The following RPTOR variants were observed in gnomAD, a reference collection of about 807,000 sequenced individuals.
RPTOR encodes regulatory associated protein of MTOR complex 1.
Under a neutral mutation model 169.9 loss-of-function variants are expected in RPTOR, and 21 were observed. The ratio of observed to expected loss-of-function variants is 0.12; its 90% confidence interval spans 0.09 to 0.18. The LOEUF (loss-of-function observed/expected upper bound fraction) is 0.18. RPTOR is among the 10% of genes least tolerant of loss of function. The pLI is 1.00. For missense variants in RPTOR, 1,133 were observed against 1,855.9 expected, an observed-to-expected ratio of 0.61 and a Z score of 7.16; for synonymous variants, 732 against 753.2, an observed-to-expected ratio of 0.97 and a Z score of 0.46.
chr17:80,625,615 A>C, intron 1 of RPTOR, 76 bp from the exon 2 acceptor site: 1 of 1,177,160 alleles, frequency 8.5e-7, no homozygotes, highest in Non-Finnish European at 1.3e-6. Context: ...TCTGGGGGAC[A>C]TTTTAAAAGC....
intron 5 of RPTOR, among the ~76,000 whole-genome samples, chr17:80,751,255 TGC>T (rs2066627540): frequency 6.6e-6 from 1 of 152,042 alleles, no homozygotes; most frequent in Non-Finnish European, 1.5e-5. Flanking sequence ...GCGTCGTAGG[TGC>T]TTGGTGGAGA....
chr17:80,761,773 G>A (rs1371855750), intron 6 of RPTOR, among the ~76,000 whole-genome samples: 1 of 152,194 alleles, frequency 6.6e-6, no homozygotes, highest in African/African-American at 2.4e-5. Context: ...CGGGTCTTTT[G>A]CCGCTTCCTT....
intron 7 of RPTOR, among the ~76,000 whole-genome samples, chr17:80,810,881 T>C (rs1297615120): frequency 1.3e-5 from 2 of 152,266 alleles, no homozygotes; most frequent in African/African-American, 2.4e-5. Flanking sequence ...TTAAAAATTA[T>C]TTAAGACAGC....
Position 80,964,696 on chromosome 17 carries a change from C to T in RPTOR, c.*366C>T. The T allele has an allele frequency of 3.2e-6, 1 of 311,750 alleles. No individual in the cohort carries two copies. The highest frequency in any genetic ancestry group is 6.1e-6 in the Non-Finnish European group (1 of 164,460). 19.3% of individuals were successfully genotyped at this position (311,750 alleles called of 1,614,324 possible). A position where few individuals can be genotyped will look rare whatever the true frequency, so the allele number is the denominator to read the frequency against. ...CAGAGCATTAGCTGCAGAAAAACCCCCCGACAGAGCCCTGGCGGAGAGGCA... is the reference window on the plus strand; with the variant it reads ...CAGAGCATTAGCTGCAGAAAAACCCTCCGACAGAGCCCTGGCGGAGAGGCA... On this transcript the variant is annotated 3_prime_UTR_variant, in exon 34 of 34. Coordinates refer to ENST00000306801, the MANE Select transcript of RPTOR (RefSeq NM_020761.3).
At chr17:80,742,050 C>T (rs772279267) in intron 5 of RPTOR, among the ~76,000 whole-genome samples, 2 of 152,250 alleles carry the variant, frequency 1.3e-5, no homozygotes, top group South Asian at 2.1e-4. Flanking sequence ...TTTGTGCACA[C>T]GGGGCCATTG....
chr17:80,892,033 C>T (rs1230005853), intron 18 of RPTOR, among the ~76,000 whole-genome samples, 196 bp downstream of exon 18: 1 of 152,174 alleles, frequency 6.6e-6, no homozygotes, highest in Non-Finnish European at 1.5e-5. Context: ...CACACTGACC[C>T]TCTTACATTT....
At chr17:80,587,509 C>G (rs886162383) in intron 1 of RPTOR, among the ~76,000 whole-genome samples, 1 of 152,098 alleles carries the variant, frequency 6.6e-6, no homozygotes, top group Non-Finnish European at 1.5e-5. Flanking sequence ...AGGTAGTTGC[C>G]TAGGAGTGGA....
intron 1 of RPTOR, among the ~76,000 whole-genome samples, chr17:80,619,677 T>C (rs2065340603): frequency 6.6e-6 from 1 of 152,148 alleles, no homozygotes; most frequent in South Asian, 2.1e-4. Flanking sequence ...TGGACACTCT[T>C]GATTGATTCC....
At chr17:80,773,781 C>T in intron 6 of RPTOR, 2 of 985,182 alleles carry the variant, frequency 2.0e-6, no homozygotes, top group African/African-American at 3.5e-5. Context: ...GACGTGTAGT[C>T]ACTGTGGCGC....
intron 5 of RPTOR, among the ~76,000 whole-genome samples, chr17:80,732,901 A>G (rs1349006013): frequency 3.3e-5 from 5 of 152,212 alleles, no homozygotes; most frequent in Admixed American, 2.6e-4. Flanking sequence ...ATGTTTTAAT[A>G]CTTTTTATTG....
At chr17:80,792,198 T>A (rs191657336) in intron 7 of RPTOR, among the ~76,000 whole-genome samples, 280 of 152,304 alleles carry the variant, frequency 1.8e-3, no homozygotes, top group African/African-American at 6.4e-3. Flanking sequence ...GGAAGAACTT[T>A]GGAGTTATTT....
At chr17:80,741,955 AAAGCCTTCTAG>A (rs1457905204) in intron 5 of RPTOR, among the ~76,000 whole-genome samples, 1 of 152,176 alleles carries the variant, frequency 6.6e-6, no homozygotes, top group African/African-American at 2.4e-5. Context: ...AAGCCTCAGG[AAAGCCTTCTAG>A]AAGTAGGGAC....
intron 1 of RPTOR, among the ~76,000 whole-genome samples, chr17:80,574,983 C>T (rs543313307): frequency 7.2e-6 from 1 of 139,710 alleles, no homozygotes; most frequent in East Asian, 2.2e-4. Flanking sequence ...TATTTTATAT[C>T]TTATTATTTC....
rs191364309 is a variant in RPTOR, at chr17:80,671,705, A to G, written c.348+27895A>G. Among the ~76,000 whole-genome samples, 122 of 152,320 alleles carry G rather than the reference A, an allele frequency of 8.0e-4. 2 individuals carry two copies. The highest frequency in any genetic ancestry group is 3.4e-3 in the Middle Eastern group (1 of 294). On this transcript the variant is annotated intron_variant, in intron 3 of 33. Coordinates refer to ENST00000306801, the MANE Select transcript of RPTOR (RefSeq NM_020761.3). ...GTGAGCACACTTCTCCAGGCATGCC[A>G]TCTGCAGCCTTCCTTTTCTTTCTAG...
intron 6 of RPTOR, among the ~76,000 whole-genome samples, chr17:80,788,186 A>G (rs1468655401): frequency 6.6e-6 from 1 of 152,198 alleles, no homozygotes; most frequent in Non-Finnish European, 1.5e-5. Context: ...TAAATTAAAA[A>G]CACCAGCTGG....
rs374917875 is a variant in RPTOR, at chr17:80,618,006, G to A, written c.163-7685G>A. ...TTACAACTTTTTTTTTTTAAGACGG[G>A]GTCTTGCTCTGTCACCCAGGGTGGA... is the stretch of plus-strand genomic sequence containing the variant. On this transcript the variant is annotated intron_variant, in intron 1 of 33. Coordinates refer to ENST00000306801, the MANE Select transcript of RPTOR (RefSeq NM_020761.3). Among the ~76,000 whole-genome samples, 1,449 of 146,778 alleles carry A rather than the reference G, an allele frequency of 9.9e-3. 99 individuals carry two copies. Among genetic ancestry groups the A allele is most frequent in the African/African-American group, 0.038 (1,373 of 36,504 alleles).
rs776346134 is a variant in RPTOR, at chr17:80,892,810, C to T, written c.2183C>T (p.Ala728Val). Residue 728 changes from alanine (A) to valine (V), a missense_variant, in exon 19 of 34, where the codon GCT (alanine) becomes GTT (valine). By Grantham distance (64) the Ala-to-Val change is moderately conservative. Coordinates refer to ENST00000306801, the MANE Select transcript of RPTOR (RefSeq NM_020761.3). ...RSVSSYGNIR[A>V]VATARSLNKS... ...GTGAGCTCCTATGGAAACATCCGTG[C>T]TGTCGCCACAGCCAGGAGCCTCAAC... 1 of 1,614,272 alleles carries T rather than the reference C, an allele frequency of 6.2e-7. No homozygotes were observed. Among genetic ancestry groups the T allele is most frequent in the Non-Finnish European group, 8.5e-7 (1 of 1,180,044 alleles).
At chr17:80,864,054 A>G (rs2067952100) in intron 13 of RPTOR, among the ~76,000 whole-genome samples, 1 of 152,270 alleles carries the variant, frequency 6.6e-6, no homozygotes, top group Non-Finnish European at 1.5e-5. Flanking sequence ...TTGGGGGTCC[A>G]TAAAGGAGGC....
rs1005924365 is a variant in RPTOR, at chr17:80,939,916, A to C, written c.2920-580A>C. ...TCCCCATCATACACCTGTCAGCCTCACAGGCCACTCACTCAAGGGTCTCAG... is the reference window on the plus strand; with the variant it reads ...TCCCCATCATACACCTGTCAGCCTCCCAGGCCACTCACTCAAGGGTCTCAG... On this transcript the variant is annotated intron_variant, in intron 24 of 33. Transcript: ENST00000306801. Among the ~76,000 whole-genome samples the C allele has an allele frequency of 3.9e-5, 6 of 152,158 alleles. No individual in the cohort carries two copies. In the South Asian group the frequency reaches 6.2e-4, roughly 16 times the overall value.
Sources: gnomAD v4.1 joint callset for allele counts (sites outside exome capture counted in the v4.1 genomes callset) on GRCh38, gnomAD v4.1.1 for gene constraint, MANE v1.5 for transcripts, NCBI Gene and HGNC (gene_info 2026-07-23, HGNC 2026-07-21) for gene names.